The following HSD17B7 variants were observed in gnomAD, a reference collection of about 807,000 sequenced individuals.
HSD17B7 encodes 3-keto-steroid reductase/17-beta-hydroxysteroid dehydrogenase 7.
A neutral mutation model predicts 34.1 loss-of-function variants in HSD17B7; 17 were observed. That is an observed-to-expected ratio of 0.50 (90% CI 0.34 to 0.75). HSD17B7 has a LOEUF of 0.75. Ranked by LOEUF, HSD17B7 falls within the 30% of genes least tolerant of loss-of-function variation. HSD17B7 has a pLI of 0.01. For synonymous variants in HSD17B7, 122 were observed against 154.6 expected (o/e 0.79, Z 1.56); for missense variants, 296 against 406.6 (o/e 0.73, Z 2.34).
intron 8 of HSD17B7, among the ~76,000 whole-genome samples, chr1:162,810,189 GC>G (rs1034859892): frequency 1.4e-4 from 21 of 152,296 alleles, no homozygotes; most frequent in African/African-American, 5.1e-4. Flanking sequence ...CTTTACGTCT[GC>G]CCTCATTTCG....
At chr1:162,802,508 G>T (rs1420327803) in intron 5 of HSD17B7, among the ~76,000 whole-genome samples, 1 of 152,096 alleles carries the variant, frequency 6.6e-6, no homozygotes. Context: ...GTCAGGCAGT[G>T]CCAAGCCTCT....
intron 8 of HSD17B7, 79 bp downstream of exon 8, chr1:162,805,571 G>C: frequency 6.4e-7 from 1 of 1,558,628 alleles, no homozygotes. Flanking sequence ...CAGCCCCTCA[G>C]CCCCCCAGCT....
intron 1 of HSD17B7, among the ~76,000 whole-genome samples, chr1:162,791,969 C>G (rs1648423670): frequency 6.6e-6 from 1 of 152,192 alleles, no homozygotes; most frequent in Admixed American, 6.5e-5. Context: ...ACTGCTGTCA[C>G]CACTCCTATG....
At chr1:162,801,567 C>T (rs1648815189) in intron 5 of HSD17B7, among the ~76,000 whole-genome samples, 1 of 152,004 alleles carries the variant, frequency 6.6e-6, no homozygotes, top group Admixed American at 6.5e-5. Context: ...TATTTGTGTG[C>T]CTACCCATGT....
intron 1 of HSD17B7, among the ~76,000 whole-genome samples, chr1:162,791,111 C>G (rs1451076431): frequency 1.3e-5 from 2 of 151,910 alleles, no homozygotes; most frequent in African/African-American, 2.4e-5. Context: ...ATGGGGTACT[C>G]AGGCGGGCTC....
rs368255042 is a variant in HSD17B7 at position 162,799,969 on chromosome 1, A to G, written c.642+32A>G. The G allele has an allele frequency of 3.8e-5, 61 of 1,590,452 alleles. No individual in the cohort carries two copies. In the African/African-American group the frequency reaches 7.0e-4, roughly 18 times the overall value. On this transcript the variant is annotated intron_variant, in intron 5 of 8. Transcript: ENST00000254521. Reference sequence around the variant, plus strand: ...CCTGTCTCAGTGATACGGAAATGGCAGAGGAGGGTTCTCTTAATTACCTGC... The same window carrying G: ...CCTGTCTCAGTGATACGGAAATGGCGGAGGAGGGTTCTCTTAATTACCTGC...
At chr1:162,793,363 A>G (rs1648486817) in intron 2 of HSD17B7, among the ~76,000 whole-genome samples, 1 of 152,172 alleles carries the variant, frequency 6.6e-6, no homozygotes, top group African/African-American at 2.4e-5. Flanking sequence ...AATCATGATC[A>G]TAATTATTTC....
At chr1:162,811,330 A>G (rs1401066213) in intron 8 of HSD17B7, among the ~76,000 whole-genome samples, 1 of 152,198 alleles carries the variant, frequency 6.6e-6, no homozygotes, top group Non-Finnish European at 1.5e-5. Flanking sequence ...TGTTAGTCTG[A>G]TGGGCTTCCC....
At chr1:162,794,022 A>G (rs1190005712) in intron 2 of HSD17B7, among the ~76,000 whole-genome samples, 2 of 152,230 alleles carry the variant, frequency 1.3e-5, no homozygotes, top group Non-Finnish European at 2.9e-5. Context: ...TGAACACAAA[A>G]TTGCATGTAG....
Position 162,797,898 on chromosome 1 carries a change from C to T in HSD17B7, c.429C>T (p.Val143=). The T allele has an allele frequency of 6.2e-7, 1 of 1,613,862 alleles. No homozygotes were observed. Among genetic ancestry groups the T allele is most frequent in the Non-Finnish European group, 8.5e-7 (1 of 1,179,824 alleles). ...TTCAGGAGGTGTTTGAGACCAATGT[C>T]TTTGGCCATTTTATCCTGGTAAAGA... is the stretch of plus-strand genomic sequence containing the variant. ...DGLQEVFETN[V]FGHFILIREL... The change falls in exon 4 of 9, where the codon GTC becomes GTT. Residue 143 remains valine (V), a synonymous_variant. Transcript: ENST00000254521.
Position 162,796,400 on chromosome 1 carries a change from A to C in HSD17B7, c.240-185A>C, listed in dbSNP as rs867692528. ...AGCTAAAGAAAAACTGTTGAGAAAG[A>C]AATGCTGTAACTCTAATGTGCTATA... On this transcript the variant is annotated intron_variant, in intron 2 of 8. Transcript: ENST00000254521. Among the ~76,000 whole-genome samples, 6 of 152,352 alleles carry C rather than the reference A, an allele frequency of 3.9e-5. No homozygotes were observed. The Middle Eastern group carries it at 0.01, about 259-fold the overall frequency.
chr1:162,800,048 T>G lies in HSD17B7; in HGVS notation c.642+111T>G, dbSNP rs895043107. 4.5e-6 allele frequency: 4 copies of G among 887,728 alleles called. No homozygotes were observed. In the Admixed American group the frequency reaches 8.3e-5, roughly 18 times the overall value. 55.0% of individuals were successfully genotyped at this position (887,728 alleles called of 1,614,324 possible). A position where few individuals can be genotyped will look rare whatever the true frequency, so the allele number is the denominator to read the frequency against. ...TTCCACTAACTCTTATAGTTTAGAT[T>G]GATATTTGGTGTATATGAAAGTGTT... On this transcript the variant is annotated intron_variant, in intron 5 of 8. Coordinates refer to ENST00000254521, the MANE Select transcript of HSD17B7 (RefSeq NM_016371.4).
chr1:162,803,350 T>A (rs891735635), intron 5 of HSD17B7, 81 bp from the exon 6 acceptor site: 2 of 1,350,460 alleles, frequency 1.5e-6, no homozygotes, highest in South Asian at 1.3e-5. Context: ...TGTACATACC[T>A]CTTTTATTAA....
At chr1:162,811,827 G>C (rs1253867355) in intron 8 of HSD17B7, among the ~76,000 whole-genome samples, 1 of 152,228 alleles carries the variant, frequency 6.6e-6, no homozygotes, top group Non-Finnish European at 1.5e-5. Context: ...CCAGAACATA[G>C]TCTCATGGCT....
intron 2 of HSD17B7, among the ~76,000 whole-genome samples, chr1:162,795,909 A>C (rs1172832855): frequency 6.6e-6 from 1 of 152,182 alleles, no homozygotes; most frequent in Non-Finnish European, 1.5e-5. Context: ...ATGCTTTTTC[A>C]ACTCAGCATT....
At chr1:162,808,305 G>C (rs1026868657) in intron 8 of HSD17B7, among the ~76,000 whole-genome samples, 3 of 151,874 alleles carry the variant, frequency 2.0e-5, no homozygotes, top group South Asian at 2.1e-4. Flanking sequence ...TCTGAGGGCT[G>C]TGTTCTGTTC....
intron 4 of HSD17B7, chr1:162,798,901 G>A: frequency 3.6e-6 from 1 of 281,072 alleles, no homozygotes; most frequent in Non-Finnish European, 7.5e-6. Flanking sequence ...GGCTGAGGCA[G>A]AAGAATCGCT....
At chr1:162,798,942 C>T (rs904934650) in intron 4 of HSD17B7, 2 of 275,178 alleles carry the variant, frequency 7.3e-6, no homozygotes, top group Admixed American at 3.9e-5. Flanking sequence ...TGTGGTGAGC[C>T]GAGGTCATGC....
chr1:162,797,320 T>C (rs545781373), intron 3 of HSD17B7: 1 of 159,488 alleles, frequency 6.3e-6, no homozygotes, highest in African/African-American at 2.4e-5. Context: ...TCTCCCCGCA[T>C]TGATTTTGAC....
Sources: gnomAD v4.1 joint callset for allele counts (sites outside exome capture counted in the v4.1 genomes callset) on GRCh38, gnomAD v4.1.1 for gene constraint, MANE v1.5 for transcripts, NCBI Gene and HGNC (gene_info 2026-07-23, HGNC 2026-07-21) for gene names.